Variants in MBNL2 observed in about 807,000 individuals in gnomAD.
MBNL2 encodes muscleblind like splicing regulator 2.
Under a neutral mutation model 41.9 loss-of-function variants are expected in MBNL2, and 17 were observed. The observed-to-expected ratio is 0.41, with a 90% CI of 0.28 to 0.61. MBNL2 has a LOEUF of 0.61. Among genes scored for constraint, MBNL2 ranks in the 20% least tolerant of loss-of-function variants. MBNL2 has a pLI of 0.35. For missense variants in MBNL2, 336 were observed against 505.6 expected, an observed-to-expected ratio of 0.66 and a Z score of 3.22; for synonymous variants, 195 against 182.9, an observed-to-expected ratio of 1.07 and a Z score of -0.53.
At chr13:97,188,396 T>C in the MBNL2 span, among the ~76,000 whole-genome samples, 2 of 152,296 alleles carry the variant, frequency 1.3e-5, no homozygotes, top group Admixed American at 1.3e-4. Context: ...ATACCCATCA[T>C]CTCAGAGTGG....
At chr13:97,299,231 T>G (rs1251069644) in intron 2 of MBNL2, among the ~76,000 whole-genome samples, 2 of 152,188 alleles carry the variant, frequency 1.3e-5, no homozygotes, top group East Asian at 3.8e-4. Context: ...TTCTCTGTTT[T>G]TCCTATTAGC....
chr13:97,269,931 G>A (rs938175298), intron 1 of MBNL2, among the ~76,000 whole-genome samples: 7 of 152,222 alleles, frequency 4.6e-5, no homozygotes, highest in African/African-American at 1.7e-4. Flanking sequence ...ATACAGATTG[G>A]TATAGTAACT....
chr13:97,382,768 G>A (rs1284495173), intron 8 of MBNL2, among the ~76,000 whole-genome samples: 3 of 148,398 alleles, frequency 2.0e-5, no homozygotes, highest in African/African-American at 7.5e-5. Flanking sequence ...TCCAACCTCC[G>A]CCTCCCGGGT....
chr13:97,297,317 G>T (rs951798381), intron 2 of MBNL2, among the ~76,000 whole-genome samples: 1 of 152,168 alleles, frequency 6.6e-6, no homozygotes, highest in Admixed American at 6.5e-5. Context: ...ATCAAGATGA[G>T]TATCAGCCAA....
chr13:97,328,068 T>C (rs2060055921), intron 2 of MBNL2, among the ~76,000 whole-genome samples: 1 of 151,976 alleles, frequency 6.6e-6, no homozygotes, highest in African/African-American at 2.4e-5. Flanking sequence ...ATTTCACAGA[T>C]ATGGCAGCTG....
intron 3 of MBNL2, among the ~76,000 whole-genome samples, chr13:97,341,707 C>T (rs920298780): frequency 6.6e-6 from 1 of 152,190 alleles, no homozygotes; most frequent in African/African-American, 2.4e-5. Flanking sequence ...TCCTGCCTGT[C>T]TGATAACTGC....
At chr13:97,155,905 T>G in the MBNL2 span, among the ~76,000 whole-genome samples, 84 of 136,728 alleles carry the variant, frequency 6.1e-4, no homozygotes, top group Non-Finnish European at 9.2e-4. Flanking sequence ...CCTTTGGGTA[T>G]ATACCCAGTA....
At chr13:97,341,694 C>A (rs879501087) in intron 3 of MBNL2, among the ~76,000 whole-genome samples, 1 of 152,178 alleles carries the variant, frequency 6.6e-6, no homozygotes, top group Admixed American at 6.5e-5. Flanking sequence ...TGAAAATAGG[C>A]TTTCCTGCCT....
chr13:97,276,185 G>A lies in MBNL2; in HGVS notation c.-51G>A, dbSNP rs377260726. ...GTAGTTTTGGAATCATTAGAACTTG[G>A]ATTGATTTCATCATTTAACAGAAAC... On this transcript the variant is annotated 5_prime_UTR_variant, in exon 2 of 9. Transcript: ENST00000679496. The A allele has an allele frequency of 2.8e-5, 40 of 1,420,288 alleles. No homozygotes were observed. The highest frequency in any genetic ancestry group is 3.8e-5 in the Non-Finnish European group (38 of 1,011,378). The allele number at this position is 1,420,288 out of a possible 1,614,324, so 88.0% of individuals were successfully genotyped here. A position where few individuals can be genotyped will look rare whatever the true frequency, so the allele number is the denominator to read the frequency against.
At chr13:97,238,272 A>C (rs1256970002) in intron 1 of MBNL2, among the ~76,000 whole-genome samples, 1 of 152,214 alleles carries the variant, frequency 6.6e-6, no homozygotes, top group South Asian at 2.1e-4. Context: ...GGTAGACGAC[A>C]CAGGCTTGGG....
chr13:97,373,062 T>C (rs1036372849), intron 8 of MBNL2, among the ~76,000 whole-genome samples: 2 of 152,296 alleles, frequency 1.3e-5, no homozygotes, highest in East Asian at 3.9e-4. Context: ...CTGAAATACA[T>C]GGTAAAGTGG....
At chr13:97,228,637 C>T (rs1484469813) in intron 1 of MBNL2, among the ~76,000 whole-genome samples, 4 of 149,018 alleles carry the variant, frequency 2.7e-5, no homozygotes, top group Non-Finnish European at 5.9e-5. Flanking sequence ...TCAAGCGATT[C>T]TCCTGCCTCA....
the MBNL2 span, among the ~76,000 whole-genome samples, chr13:97,182,942 C>T: frequency 1.3e-5 from 2 of 152,128 alleles, no homozygotes; most frequent in Non-Finnish European, 2.9e-5. Context: ...ATAGATATAT[C>T]TACTGCTATG....
At chr13:97,304,382 A>G (rs1048748285) in intron 2 of MBNL2, among the ~76,000 whole-genome samples, 1 of 152,232 alleles carries the variant, frequency 6.6e-6, no homozygotes, top group Admixed American at 6.5e-5. Context: ...TATATCAAAA[A>G]TATTTACTTA....
the MBNL2 span, among the ~76,000 whole-genome samples, chr13:97,156,538 T>A: frequency 7.3e-6 from 1 of 136,422 alleles, no homozygotes; most frequent in Non-Finnish European, 1.5e-5. Context: ...GGTCTAACGT[T>A]TAAGTCTTTA....
At chr13:97,194,225 C>A in the MBNL2 span, among the ~76,000 whole-genome samples, 1 of 152,292 alleles carries the variant, frequency 6.6e-6, no homozygotes, top group East Asian at 1.9e-4. Context: ...TCAGTGTCTG[C>A]CCCATTGCAT....
chr13:97,256,660 T>C (rs899952987), intron 1 of MBNL2, among the ~76,000 whole-genome samples: 1 of 152,182 alleles, frequency 6.6e-6, no homozygotes, highest in African/African-American at 2.4e-5. Context: ...ACGAGTGTTC[T>C]GTTTTAAGTC....
At chr13:97,207,402 C>A in the MBNL2 span, among the ~76,000 whole-genome samples, 2,772 of 152,256 alleles carry the variant, frequency 0.018, 41 homozygotes, top group Non-Finnish European at 0.03. Context: ...TTCCACGTGG[C>A]TGGGGAAGCC....
chr13:97,328,460 C>T (rs932352439), intron 2 of MBNL2, among the ~76,000 whole-genome samples: 8 of 152,200 alleles, frequency 5.3e-5, no homozygotes, highest in African/African-American at 1.2e-4. Flanking sequence ...TGCCGTTCCG[C>T]GGCCTGGCCT....
Sources: gnomAD v4.1 joint callset for allele counts (sites outside exome capture counted in the v4.1 genomes callset) on GRCh38, gnomAD v4.1.1 for gene constraint, MANE v1.5 for transcripts, NCBI Gene and HGNC (gene_info 2026-07-23, HGNC 2026-07-21) for gene names.